Variants in ABTB2 observed in about 807,000 individuals in gnomAD.
The protein encoded by ABTB2 is ankyrin repeat and BTB/POZ domain-containing protein 2.
In ABTB2, 56 loss-of-function variants were observed where a neutral mutation model predicts 104.1. The observed-to-expected ratio is 0.54, with a 90% CI of 0.43 to 0.67. The LOEUF is 0.67. Among genes scored for constraint, ABTB2 ranks in the 30% least tolerant of loss-of-function variants. ABTB2 has a pLI of 0.00. For synonymous variants in ABTB2, 606 were observed against 608.2 expected (o/e 1.00, Z 0.05); for missense variants, 1,279 against 1,407.7 (o/e 0.91, Z 1.46).
Position 34,161,048 on chromosome 11 carries a change from G to A in ABTB2, c.2252C>T (p.Ser751Phe), listed in dbSNP as rs1852713975. The change falls in exon 11 of 17, where the codon TCT (serine) becomes TTT (phenylalanine). Residue 751 changes from serine to phenylalanine, a missense_variant. Ser to Phe is a radical substitution (Grantham distance 155). Coordinates refer to ENST00000435224, the MANE Select transcript of ABTB2 (RefSeq NM_145804.3). The part of the protein sequence containing the change: ...VPWKLHIWIE[S>F]LRTSFSQSRY... ...CGACTGCGAGAACGAGGTCCTCAGA[G>A]ACTCGATCCAGATGTGCAGCTTCCA... 6.2e-7 allele frequency: 1 copy of A among 1,612,512 alleles called. No individual in the cohort carries two copies. The highest frequency in any genetic ancestry group is 1.3e-5 in the African/African-American group (1 of 74,830).
intron 1 of ABTB2, among the ~76,000 whole-genome samples, chr11:34,284,572 A>G (rs991982753): frequency 8.5e-5 from 13 of 152,220 alleles, no homozygotes; most frequent in African/African-American, 2.2e-4. Flanking sequence ...TGACGCTGGA[A>G]GAAAAGGTGT....
At chr11:34,332,426 C>T (rs1290526626) in intron 1 of ABTB2, among the ~76,000 whole-genome samples, 4 of 152,182 alleles carry the variant, frequency 2.6e-5, no homozygotes, top group African/African-American at 4.8e-5. Flanking sequence ...TTATTCCCTC[C>T]GAAAATGTAA....
At chr11:34,158,114 C>T (rs1590201056) in intron 14 of ABTB2, among the ~76,000 whole-genome samples, 1 of 152,210 alleles carries the variant, frequency 6.6e-6, no homozygotes, top group African/African-American at 2.4e-5. Context: ...GTTCCTCCTA[C>T]TGCTTAAAAC....
At chr11:34,311,472 A>G (rs1854852783) in intron 1 of ABTB2, among the ~76,000 whole-genome samples, 1 of 152,204 alleles carries the variant, frequency 6.6e-6, no homozygotes, top group Non-Finnish European at 1.5e-5. Context: ...TGCAGTGCAA[A>G]GGGTGCTTCA....
chr11:34,228,024 C>A (rs1853709903), intron 1 of ABTB2, among the ~76,000 whole-genome samples: 1 of 87,962 alleles, frequency 1.1e-5, no homozygotes, highest in African/African-American at 4.1e-5. Context: ...CGTGAGCCAC[C>A]ACACTTGGCC....
At chr11:34,257,957 T>C (rs1854143414) in intron 1 of ABTB2, among the ~76,000 whole-genome samples, 1 of 151,970 alleles carries the variant, frequency 6.6e-6, no homozygotes, top group South Asian at 2.1e-4. Flanking sequence ...ACCTAATCCC[T>C]CCAAAGCACA....
intron 6 of ABTB2, among the ~76,000 whole-genome samples, chr11:34,167,644 G>A (rs1852819445): frequency 1.3e-5 from 2 of 152,212 alleles, no homozygotes; most frequent in Non-Finnish European, 2.9e-5. Flanking sequence ...CTGGTAAAAG[G>A]AGGAAGATAT....
In ABTB2 at chr11:34,357,686, C is replaced by T. The variant is rs1419590494; in HGVS notation, c.-103G>A. 2 of 1,218,420 alleles carry T rather than the reference C, an allele frequency of 1.6e-6. No individual in the cohort carries two copies. The highest frequency in any genetic ancestry group is 1.6e-5 in the African/African-American group (1 of 63,098). 75.5% of individuals were successfully genotyped at this position (1,218,420 alleles called of 1,614,324 possible). A position where few individuals can be genotyped will look rare whatever the true frequency, so the allele number is the denominator to read the frequency against. ...CAAGCTCTAGGCCCTCCGGGCCACCCTCCTTCCTCTCTGCGTCGCGGGGCT... is the reference window on the plus strand; with the variant it reads ...CAAGCTCTAGGCCCTCCGGGCCACCTTCCTTCCTCTCTGCGTCGCGGGGCT... On this transcript the variant is annotated 5_prime_UTR_variant, in exon 1 of 17. Transcript: ENST00000435224.
intron 1 of ABTB2, among the ~76,000 whole-genome samples, chr11:34,220,661 A>G (rs1480333999): frequency 1.3e-5 from 2 of 152,140 alleles, no homozygotes; most frequent in Non-Finnish European, 2.9e-5. Context: ...TCGCAGTCTC[A>G]CCCAGCAGCT....
intron 1 of ABTB2, among the ~76,000 whole-genome samples, chr11:34,296,072 C>T (rs1175938306): frequency 1.3e-5 from 2 of 152,166 alleles, no homozygotes; most frequent in Non-Finnish European, 2.9e-5. Flanking sequence ...ATCAAGGCAG[C>T]AGGAAGCTAT....
intron 1 of ABTB2, among the ~76,000 whole-genome samples, chr11:34,320,093 A>C (rs1854983351): frequency 6.6e-6 from 1 of 152,214 alleles, no homozygotes; most frequent in Non-Finnish European, 1.5e-5. Context: ...GTGAGTATAA[A>C]GCATTTAGTT....
chr11:34,312,152 A>G (rs1854863347), intron 1 of ABTB2, among the ~76,000 whole-genome samples: 1 of 149,982 alleles, frequency 6.7e-6, no homozygotes, highest in Non-Finnish European at 1.5e-5. Context: ...AAAAAAAAAA[A>G]AAAGAAAAAG....
chr11:34,343,043 C>A (rs926891931), intron 1 of ABTB2, among the ~76,000 whole-genome samples: 1 of 152,062 alleles, frequency 6.6e-6, no homozygotes, highest in Non-Finnish European at 1.5e-5. Flanking sequence ...GATCTTGGCT[C>A]ACTGCAACCT....
chr11:34,233,652 CCT>C (rs1853803938), intron 1 of ABTB2, among the ~76,000 whole-genome samples: 1 of 18,162 alleles, frequency 5.5e-5, no homozygotes, highest in Non-Finnish European at 1.8e-4. Flanking sequence ...ACCTGGCCCA[CCT>C]TTTTTTTTTT....
chr11:34,245,087 G>A (rs1371626662), intron 1 of ABTB2, among the ~76,000 whole-genome samples: 1 of 152,188 alleles, frequency 6.6e-6, no homozygotes, highest in African/African-American at 2.4e-5. Context: ...CTTAGGATCT[G>A]GAACACAAGT....
intron 1 of ABTB2, among the ~76,000 whole-genome samples, chr11:34,339,565 G>A (rs920672511): frequency 5.3e-5 from 8 of 152,172 alleles, no homozygotes; most frequent in Non-Finnish European, 1.0e-4. Flanking sequence ...TTACACCAAT[G>A]GCAACACAAT....
chr11:34,283,091 T>G (rs1854467705), intron 1 of ABTB2, among the ~76,000 whole-genome samples: 2 of 144,694 alleles, frequency 1.4e-5, no homozygotes, highest in Non-Finnish European at 3.0e-5. Flanking sequence ...TTTTTTTTTT[T>G]GTATTTTTAG....
chr11:34,243,580 C>T (rs2133064630), intron 1 of ABTB2, among the ~76,000 whole-genome samples: 1 of 152,322 alleles, frequency 6.6e-6, no homozygotes, highest in Non-Finnish European at 1.5e-5. Context: ...CAAGGATAAT[C>T]CTAGAAAATA....
chr11:34,283,160 C>T lies in ABTB2; in HGVS notation c.883+73541G>A, dbSNP rs1346823814. 6.7e-5 allele frequency among the ~76,000 whole-genome samples: 10 copies of T among 150,322 alleles called. No homozygotes were observed. The South Asian group carries it at 8.4e-4, about 13-fold the overall frequency. On this transcript the variant is annotated intron_variant, in intron 1 of 16. Coordinates refer to ENST00000435224, the MANE Select transcript of ABTB2 (RefSeq NM_145804.3). ...TTCTCGATCTCCTGACCTCGTGATCCGCCTGCCTCGGCCTCCCAAAGTGCT... is the reference window on the plus strand; with the variant it reads ...TTCTCGATCTCCTGACCTCGTGATCTGCCTGCCTCGGCCTCCCAAAGTGCT...
Sources: gnomAD v4.1 joint callset for allele counts (sites outside exome capture counted in the v4.1 genomes callset) on GRCh38, gnomAD v4.1.1 for gene constraint, MANE v1.5 for transcripts, NCBI Gene and HGNC (gene_info 2026-07-23, HGNC 2026-07-21) for gene names.